Variants in ATRN observed in about 807,000 individuals in gnomAD.
ATRN encodes attractin, also known as attractin-2.
A neutral mutation model predicts 178.7 loss-of-function variants in ATRN; 54 were observed. The observed-to-expected ratio is 0.30, with a 90% CI of 0.24 to 0.38. ATRN has a LOEUF of 0.38. Among genes scored for constraint, ATRN ranks in the 10% least tolerant of loss-of-function variants. ATRN has a pLI of 1.00. For missense variants in ATRN, 1,443 were observed against 1,815.1 expected (o/e 0.79, Z 3.73); for synonymous variants, 636 against 663.0 (o/e 0.96, Z 0.63).
chr20:3,504,106 G>A (rs1476551972), intron 1 of ATRN, among the ~76,000 whole-genome samples: 5 of 152,094 alleles, frequency 3.3e-5, no homozygotes, highest in Admixed American at 2.6e-4. Flanking sequence ...ATGAAAACAC[G>A]AAGAAGGACA....
intron 6 of ATRN, among the ~76,000 whole-genome samples, chr20:3,553,381 T>C (rs911574597): frequency 7.9e-5 from 12 of 152,198 alleles, no homozygotes; most frequent in Non-Finnish European, 1.5e-4. Flanking sequence ...ACCAAATACA[T>C]GTCATATTTA....
At chr20:3,485,617 T>TTTTTTG (rs1336321368) in intron 1 of ATRN, among the ~76,000 whole-genome samples, 8 of 86,772 alleles carry the variant, frequency 9.2e-5, no homozygotes, top group Admixed American at 2.3e-4. Flanking sequence ...GAGGTTTTTT[T>TTTTTTG]TTTTTTTTTT....
intron 1 of ATRN, among the ~76,000 whole-genome samples, chr20:3,482,267 G>T (rs2084632541): frequency 6.6e-6 from 1 of 151,044 alleles, no homozygotes; most frequent in Non-Finnish European, 1.5e-5. Context: ...AGCATGAGTT[G>T]TAGACAAAAA....
chr20:3,615,528 C>G (rs1313438846), intron 24 of ATRN, among the ~76,000 whole-genome samples: 1 of 150,522 alleles, frequency 6.6e-6, no homozygotes, highest in Non-Finnish European at 1.5e-5. Flanking sequence ...CTTTTAAGTA[C>G]AGTTTAATTC....
Position 3,644,193 on chromosome 20 carries a change from A to G in ATRN, c.4090A>G (p.Asn1364Asp), listed in dbSNP as rs1401433087. 1.9e-6 allele frequency: 3 copies of G among 1,614,190 alleles called. No homozygotes were observed. Among genetic ancestry groups the G allele is most frequent in the Middle Eastern group, 3.3e-4 (2 of 6,062 alleles). ...CATTGCACTGGAGCCGTGTTTTGGCAACAAAGCCGCTGTCCTCTCTGTGTT... is the reference window on the plus strand; with the variant it reads ...CATTGCACTGGAGCCGTGTTTTGGCGACAAAGCCGCTGTCCTCTCTGTGTT... ...KPIALEPCFGNKAAVLSVFVR... is the reference protein window; with the variant it reads ...KPIALEPCFGDKAAVLSVFVR... Residue 1364 changes from asparagine (N) to aspartate (D), a missense_variant, in exon 28 of 29, where the codon AAC (asparagine) becomes GAC (aspartate). Asn to Asp is a conservative substitution (Grantham distance 23). This residue lies in a region of ATRN where 289 missense variants were observed against 440.8 expected (regional missense o/e 0.66). Coordinates refer to ENST00000262919, the MANE Select transcript of ATRN (RefSeq NM_139321.3).
Position 3,540,354 on chromosome 20 carries a change from G to C in ATRN, c.608+19G>C. The C allele has an allele frequency of 6.9e-7, 1 of 1,446,132 alleles. No individual in the cohort carries two copies. The highest frequency in any genetic ancestry group is 9.6e-7 in the Non-Finnish European group (1 of 1,044,404). 89.6% of individuals were successfully genotyped at this position (1,446,132 alleles called of 1,614,324 possible). A position where few individuals can be genotyped will look rare whatever the true frequency, so the allele number is the denominator to read the frequency against. ...CATTTAGGTAAGCTCAGTCTTACAAGCCTTCTTTCATCGTTTGATTTCTAA... is the reference window on the plus strand; with the variant it reads ...CATTTAGGTAAGCTCAGTCTTACAACCCTTCTTTCATCGTTTGATTTCTAA... On this transcript the variant is annotated intron_variant, in intron 3 of 28. Transcript: ENST00000262919.
chr20:3,629,363 T>C, intron 25 of ATRN: 1 of 925,002 alleles, frequency 1.1e-6, no homozygotes. Flanking sequence ...ACCAGGACCA[T>C]CTCCTATGTC....
chr20:3,524,952 C>A (rs1421724004), intron 1 of ATRN, among the ~76,000 whole-genome samples: 1 of 152,118 alleles, frequency 6.6e-6, no homozygotes, highest in Admixed American at 6.5e-5. Flanking sequence ...CAGGAGAAAG[C>A]AGGAAAGATC....
intron 1 of ATRN, among the ~76,000 whole-genome samples, chr20:3,474,446 C>A (rs1384936514): frequency 6.6e-6 from 1 of 152,162 alleles, no homozygotes; most frequent in Non-Finnish European, 1.5e-5. Context: ...TGGTGGCTAA[C>A]ACCTGTAATC....
chr20:3,474,736 A>G (rs1016098653), intron 1 of ATRN, among the ~76,000 whole-genome samples: 1 of 146,732 alleles, frequency 6.8e-6, no homozygotes, highest in Admixed American at 6.8e-5. Flanking sequence ...CAAAAACTCA[A>G]TAAAATTTTA....
intron 12 of ATRN, among the ~76,000 whole-genome samples, chr20:3,575,201 A>T (rs1452415582): frequency 1.3e-5 from 2 of 152,090 alleles, no homozygotes; most frequent in Non-Finnish European, 2.9e-5. Flanking sequence ...TGACCTTGTG[A>T]TCCGCCCGCC....
At chr20:3,504,688 G>GATAATAATA (rs60176330) in intron 1 of ATRN, among the ~76,000 whole-genome samples, 46 of 135,932 alleles carry the variant, frequency 3.4e-4, no homozygotes, top group Middle Eastern at 3.8e-3. Context: ...TCTGTCTTAA[G>GATAATAATA]ATAATAATAA....
intron 3 of ATRN, among the ~76,000 whole-genome samples, chr20:3,542,323 C>T (rs920044107): frequency 1.3e-5 from 2 of 152,122 alleles, no homozygotes; most frequent in African/African-American, 4.8e-5. Context: ...TTTGAATCAG[C>T]TTATCAGGAG....
intron 19 of ATRN, among the ~76,000 whole-genome samples, chr20:3,591,521 C>G (rs974919086): frequency 6.6e-6 from 1 of 152,168 alleles, no homozygotes; most frequent in Non-Finnish European, 1.5e-5. Context: ...TAGAGTCAAG[C>G]CTTTGACCAC....
chr20:3,615,914 G>A (rs1307157231), intron 24 of ATRN: 2 of 439,708 alleles, frequency 4.5e-6, no homozygotes, highest in Admixed American at 4.8e-5. Flanking sequence ...GAAGGGGAAG[G>A]GATAGCATTA....
chr20:3,614,658 C>T (rs545870792), intron 24 of ATRN, among the ~76,000 whole-genome samples: 46 of 152,192 alleles, frequency 3.0e-4, no homozygotes, highest in African/African-American at 1.1e-3. Flanking sequence ...ATTTACATAC[C>T]ATACAGTTCG....
At position 3,515,606 on chromosome 20, in the gene ATRN, A is replaced by G. The variant is rs75381861; in HGVS notation, c.411-19647A>G. On this transcript the variant is annotated intron_variant, in intron 1 of 28. Transcript: ENST00000262919. ...TAAAGTCCAGTTGGAGTTGGTTAAG[A>G]AATTTGGTGAGAGCATTGAGTCAAA... Among the ~76,000 whole-genome samples, 1,438 of 152,308 alleles carry G rather than the reference A, an allele frequency of 9.4e-3. 9 individuals are homozygous for G. Among genetic ancestry groups the G allele is most frequent in the Non-Finnish European group, 0.014 (942 of 68,022 alleles).
At chr20:3,524,991 A>G (rs1182746885) in intron 1 of ATRN, among the ~76,000 whole-genome samples, 1 of 152,254 alleles carries the variant, frequency 6.6e-6, no homozygotes, top group African/African-American at 2.4e-5. Context: ...ATCACAGTTA[A>G]AAGAACTAGA....
At chr20:3,558,818 T>TA (rs2061519587) in intron 6 of ATRN, among the ~76,000 whole-genome samples, 1 of 152,140 alleles carries the variant, frequency 6.6e-6, no homozygotes, top group Admixed American at 6.5e-5. Flanking sequence ...GATTATTGAA[T>TA]AATGCATTAA....
Sources: gnomAD v4.1 joint callset for allele counts (sites outside exome capture counted in the v4.1 genomes callset) on GRCh38, gnomAD v4.1.1 for gene constraint, gnomAD v4.1.1 regional missense constraint, MANE v1.5 for transcripts, NCBI Gene and HGNC (gene_info 2026-07-23, HGNC 2026-07-21) for gene names.